AFF3: variants seen among roughly 807,000 people sequenced by gnomAD.
AFF3 encodes the protein ALF transcription elongation factor 3.
AFF3 carries 32 observed loss-of-function variants against 129.7 expected under a neutral mutation model. That is an observed-to-expected ratio of 0.25 (90% confidence interval 0.19 to 0.33). The LOEUF is 0.33. Ranked by LOEUF, AFF3 falls within the 10% of genes least tolerant of loss-of-function variation. The probability of loss-of-function intolerance (pLI) is 1.00; values close to 1 mark genes in which losing one functional copy is unlikely to be tolerated. For missense variants in AFF3, 1,373 were observed against 1,592.0 expected, an observed-to-expected ratio of 0.86 and a Z score of 2.34; for synonymous variants, 644 against 635.4, an observed-to-expected ratio of 1.01 and a Z score of -0.20.
chr2:99,826,173 C>A (rs189888348), intron 8 of AFF3, among the ~76,000 whole-genome samples: 1 of 152,082 alleles, frequency 6.6e-6, no homozygotes, highest in African/African-American at 2.4e-5. Context: ...CGCCACCATG[C>A]CCAGCTAATT....
intron 8 of AFF3, among the ~76,000 whole-genome samples, chr2:99,802,235 T>A (rs567078811): frequency 2.9e-4 from 44 of 152,326 alleles, no homozygotes; most frequent in South Asian, 1.9e-3. Flanking sequence ...TAAACTTTTT[T>A]AATGGATTTT....
At position 99,593,321 on chromosome 2, in the gene AFF3, T is replaced by A. The variant is rs1336436954; in HGVS notation, c.2340A>T (p.Glu780Asp). ...IDLTLLSRIP[E>D]HLPQEPGVLS... ...ATACCCCTGGCTCCTGGGGCAGGTGTTCTGGGATCCTGGACAGGAGGGTCA... is the reference window on the plus strand; with the variant it reads ...ATACCCCTGGCTCCTGGGGCAGGTGATCTGGGATCCTGGACAGGAGGGTCA... The change falls in exon 15 of 25, where the codon GAA (glutamate) becomes GAT (aspartate). Residue 780 changes from glutamate (E) to aspartate (D), a missense_variant. Glu to Asp is a conservative substitution (Grantham distance 45, BLOSUM62 2). Transcript: ENST00000672756. The A allele has an allele frequency of 2.5e-6, 4 of 1,613,780 alleles. No individual in the cohort carries two copies. The highest frequency in any genetic ancestry group is 1.3e-5 in the African/African-American group (1 of 74,842).
intron 8 of AFF3, among the ~76,000 whole-genome samples, chr2:99,772,131 G>A (rs1312775044): frequency 6.6e-6 from 1 of 152,134 alleles, no homozygotes; most frequent in African/African-American, 2.4e-5. Context: ...TAGGAAAGGA[G>A]AGAAGAGGAA....
At chr2:99,897,436 C>G (rs1356473219) in intron 7 of AFF3, among the ~76,000 whole-genome samples, 1 of 152,052 alleles carries the variant, frequency 6.6e-6, no homozygotes, top group Non-Finnish European at 1.5e-5. Flanking sequence ...GCTATCAGGC[C>G]CCCTCAGACT....
At chr2:100,052,263 T>C (rs550223924) in intron 4 of AFF3, among the ~76,000 whole-genome samples, 1 of 152,346 alleles carries the variant, frequency 6.6e-6, no homozygotes, top group East Asian at 1.9e-4. Flanking sequence ...TTTAATAGGA[T>C]AAAGAATACG....
chr2:100,070,971 G>C (rs1208888877), intron 4 of AFF3, among the ~76,000 whole-genome samples: 1 of 151,864 alleles, frequency 6.6e-6, no homozygotes, highest in East Asian at 1.9e-4. Flanking sequence ...TATTGTTTCT[G>C]GTTTTCAGTA....
intron 1 of AFF3, among the ~76,000 whole-genome samples, chr2:100,135,148 A>G (rs578241295): frequency 6.6e-6 from 1 of 152,308 alleles, no homozygotes; most frequent in African/African-American, 2.4e-5. Flanking sequence ...CAGGAGCCAG[A>G]TCATGTAGCC....
chr2:100,055,330 G>A (rs1016573032), intron 4 of AFF3, among the ~76,000 whole-genome samples: 8 of 151,992 alleles, frequency 5.3e-5, no homozygotes, highest in African/African-American at 1.9e-4. Context: ...AGATTGGATT[G>A]CACAGTACAT....
intron 2 of AFF3, among the ~76,000 whole-genome samples, chr2:100,114,956 A>G (rs772877975): frequency 6.6e-6 from 1 of 152,208 alleles, no homozygotes; most frequent in Admixed American, 6.5e-5. Context: ...AATTATAGGT[A>G]TGTATTTCAA....
At chr2:99,653,710 G>T (rs1685482965) in intron 12 of AFF3, among the ~76,000 whole-genome samples, 1 of 152,128 alleles carries the variant, frequency 6.6e-6, no homozygotes, top group African/African-American at 2.4e-5. Flanking sequence ...AGACTGGTGT[G>T]ATGCTGGGAA....
intron 7 of AFF3, among the ~76,000 whole-genome samples, chr2:99,844,493 A>G (rs773997539): frequency 2.2e-5 from 3 of 133,870 alleles, no homozygotes; most frequent in Non-Finnish European, 4.6e-5. Context: ...GCTAGAGCAC[A>G]GTGGCGCCAT....
chr2:99,683,452 C>G (rs1301531354), intron 11 of AFF3, among the ~76,000 whole-genome samples: 5 of 151,952 alleles, frequency 3.3e-5, no homozygotes, highest in African/African-American at 9.7e-5. Context: ...TTTTCTTTTT[C>G]TTTCTTTTTT....
intron 2 of AFF3, among the ~76,000 whole-genome samples, chr2:100,111,115 CT>C (rs928261999): frequency 2.0e-5 from 3 of 152,150 alleles, no homozygotes; most frequent in Non-Finnish European, 4.4e-5. Context: ...TCATATAACC[CT>C]ACCATCTTTG....
At chr2:100,121,262 G>C (rs764456153) in intron 2 of AFF3, among the ~76,000 whole-genome samples, 3 of 152,224 alleles carry the variant, frequency 2.0e-5, no homozygotes, top group Non-Finnish European at 2.9e-5. Context: ...AACCAGCAGA[G>C]AGAGGAGAAG....
intron 10 of AFF3, among the ~76,000 whole-genome samples, chr2:99,731,247 C>T (rs1039858306): frequency 5.3e-5 from 8 of 152,118 alleles, no homozygotes; most frequent in African/African-American, 4.8e-5. Flanking sequence ...TGTAAGCTAC[C>T]GTGCCCAGCC....
At chr2:100,014,051 A>T (rs910819313) in intron 4 of AFF3, among the ~76,000 whole-genome samples, 2 of 150,902 alleles carry the variant, frequency 1.3e-5, no homozygotes, top group African/African-American at 4.9e-5. Context: ...CCAGCCAGCC[A>T]GGGGGGGATG....
chr2:100,130,373 G>A (rs1692377156), intron 1 of AFF3, among the ~76,000 whole-genome samples: 1 of 152,168 alleles, frequency 6.6e-6, no homozygotes, highest in Non-Finnish European at 1.5e-5. Flanking sequence ...ATCTGGGCCT[G>A]TCCTCTGCGC....
At chr2:99,987,033 C>T (rs1679936799) in intron 7 of AFF3, among the ~76,000 whole-genome samples, 1 of 152,184 alleles carries the variant, frequency 6.6e-6, no homozygotes, top group Non-Finnish European at 1.5e-5. Flanking sequence ...CGTAATCACA[C>T]ACACTTTGCT....
intron 7 of AFF3, among the ~76,000 whole-genome samples, chr2:99,902,592 T>C (rs1694427259): frequency 6.6e-6 from 1 of 152,198 alleles, no homozygotes; most frequent in African/African-American, 2.4e-5. Flanking sequence ...TCAAAGTTGA[T>C]TTTAAGTGTC....
Sources: gnomAD v4.1 joint callset for allele counts (sites outside exome capture counted in the v4.1 genomes callset) on GRCh38, gnomAD v4.1.1 for gene constraint, MANE v1.5 for transcripts, NCBI Gene and HGNC (gene_info 2026-07-23, HGNC 2026-07-21) for gene names.